CADPS: variants seen among roughly 807,000 people sequenced by gnomAD.
CADPS encodes the protein calcium dependent secretion activator.
Under a neutral mutation model 167.3 loss-of-function variants are expected in CADPS, and 57 were observed. The ratio of observed to expected loss-of-function variants is 0.34; its 90% CI spans 0.28 to 0.42. The LOEUF is 0.42. CADPS is among the 20% of genes least tolerant of loss of function. The probability of loss-of-function intolerance (pLI) is 1.00; values close to 1 mark genes in which losing one functional copy is unlikely to be tolerated. For synonymous variants in CADPS, 676 were observed against 635.3 expected (o/e 1.06, Z -0.96); for missense variants, 1,414 against 1,738.1 (o/e 0.81, Z 3.32).
chr3:62,866,376 G>A (rs1235566267), intron 1 of CADPS, among the ~76,000 whole-genome samples: 3 of 152,054 alleles, frequency 2.0e-5, no homozygotes, highest in Non-Finnish European at 4.4e-5. Flanking sequence ...TAAAGCATCA[G>A]TGTGAAGTCT....
intron 24 of CADPS, among the ~76,000 whole-genome samples, chr3:62,472,745 C>T (rs2060776726): frequency 6.6e-6 from 1 of 152,152 alleles, no homozygotes; most frequent in African/African-American, 2.4e-5. Context: ...AAACTGAGGC[C>T]CAAAGAAGCT....
intron 1 of CADPS, among the ~76,000 whole-genome samples, chr3:62,843,492 G>GGTGTGTGTGT (rs150223612): frequency 0.021 from 3,123 of 149,082 alleles, 53 homozygotes; most frequent in South Asian, 0.051. Context: ...TGGCAGTTGG[G>GGTGTGTGTGT]GTGTGTGTGT....
chr3:62,475,827 A>T (rs2061251738), intron 23 of CADPS, among the ~76,000 whole-genome samples: 1 of 152,122 alleles, frequency 6.6e-6, no homozygotes, highest in South Asian at 2.1e-4. Context: ...TGATCTTCTG[A>T]GGCTTGTGTG....
Position 62,585,165 on chromosome 3 carries a change from G to A in CADPS, c.1577+20C>T. ...AACAGACGTGTGTCCAAAACTGCTA[G>A]TTGGGGAAGAAACACTTACCCAGAA... On this transcript the variant is annotated intron_variant, in intron 8 of 29. Transcript: ENST00000383710. The A allele has an allele frequency of 6.2e-7, 1 of 1,611,376 alleles. No homozygotes were observed. The highest frequency in any genetic ancestry group is 1.1e-5 in the South Asian group (1 of 91,014).
chr3:62,534,432 T>C (rs2074303901), intron 12 of CADPS, among the ~76,000 whole-genome samples: 1 of 152,154 alleles, frequency 6.6e-6, no homozygotes, highest in Admixed American at 6.5e-5. Context: ...ATCTTTCCTG[T>C]TTCAAATTAT....
At chr3:62,631,770 A>G (rs976485985) in intron 6 of CADPS, among the ~76,000 whole-genome samples, 2 of 152,166 alleles carry the variant, frequency 1.3e-5, no homozygotes, top group African/African-American at 4.8e-5. Flanking sequence ...CCATATCTTA[A>G]TTCCAGGCTC....
intron 26 of CADPS, among the ~76,000 whole-genome samples, chr3:62,450,182 T>C (rs2057832711): frequency 6.6e-6 from 1 of 152,212 alleles, no homozygotes; most frequent in South Asian, 2.1e-4. Context: ...CTGAGCTGAT[T>C]CTCAGTCTGG....
rs371598770 is a variant in CADPS, at chr3:62,769,773, G to A, written c.442-3789C>T. On this transcript the variant is annotated intron_variant, in intron 1 of 29. Coordinates refer to ENST00000383710, the MANE Select transcript of CADPS (RefSeq NM_003716.4). ...CAGAATCATGAGTCAGGAGTTGAGC[G>A]CACAGGCTTGGGGTCCAAGAGACAC... is the stretch of plus-strand genomic sequence containing the variant. 8.5e-5 allele frequency among the ~76,000 whole-genome samples: 13 copies of A among 152,158 alleles called. No individual in the cohort carries two copies. In the East Asian group the frequency reaches 1.2e-3, roughly 14 times the overall value.
chr3:62,579,966 ATT>A (rs764838308), intron 8 of CADPS, among the ~76,000 whole-genome samples: 5 of 152,140 alleles, frequency 3.3e-5, no homozygotes, highest in Non-Finnish European at 7.4e-5. Flanking sequence ...GAAAGGTTGA[ATT>A]CTAGATTTAT....
At chr3:62,450,132 A>G (rs1359810562) in intron 26 of CADPS, among the ~76,000 whole-genome samples, 1 of 152,158 alleles carries the variant, frequency 6.6e-6, no homozygotes, top group Admixed American at 6.5e-5. Context: ...TTCTTGCTAT[A>G]AAAAAGATTC....
At chr3:62,607,586 G>A (rs534982113) in intron 6 of CADPS, among the ~76,000 whole-genome samples, 3 of 152,326 alleles carry the variant, frequency 2.0e-5, no homozygotes, top group South Asian at 2.1e-4. Flanking sequence ...GCAGCGCTTA[G>A]GGGTGCTCAG....
At chr3:62,735,510 A>AAT (rs2078820003) in intron 3 of CADPS, among the ~76,000 whole-genome samples, 2 of 152,138 alleles carry the variant, frequency 1.3e-5, no homozygotes, top group Admixed American at 1.3e-4. Flanking sequence ...ATTATATAAT[A>AAT]ATAAGGAATC....
chr3:62,794,908 G>T (rs2152760418), intron 1 of CADPS, among the ~76,000 whole-genome samples: 1 of 151,970 alleles, frequency 6.6e-6, no homozygotes, highest in Admixed American at 6.6e-5. Flanking sequence ...GGAGAATGTG[G>T]ATGCCAGTAA....
chr3:62,416,489 T>C (rs2050086693), intron 28 of CADPS, among the ~76,000 whole-genome samples: 1 of 152,212 alleles, frequency 6.6e-6, no homozygotes, highest in Admixed American at 6.5e-5. Flanking sequence ...CTCCTCTCTT[T>C]GTCTAGAATA....
intron 3 of CADPS, among the ~76,000 whole-genome samples, chr3:62,714,373 A>C (rs895850397): frequency 3.3e-5 from 5 of 152,068 alleles, no homozygotes; most frequent in Non-Finnish European, 7.4e-5. Flanking sequence ...TAATGTGGAG[A>C]GATCACATTA....
At chr3:62,738,564 A>G (rs2079501556) in intron 3 of CADPS, among the ~76,000 whole-genome samples, 1 of 152,024 alleles carries the variant, frequency 6.6e-6, no homozygotes, top group Admixed American at 6.6e-5. Context: ...TCTCTACTAA[A>G]AGTACAAAAA....
rs566731837 is a variant in CADPS, at chr3:62,403,137, G to A, written c.3826C>T (p.Arg1276Trp). 4 of 1,613,374 alleles carry A rather than the reference G, an allele frequency of 2.5e-6. No individual in the cohort carries two copies. Among genetic ancestry groups the A allele is most frequent in the Admixed American group, 1.7e-5 (1 of 59,978 alleles). Residue 1276 changes from arginine (R) to tryptophan (W), a missense_variant, in exon 29 of 30, where the codon CGG becomes TGG. Coordinates refer to ENST00000383710, the MANE Select transcript of CADPS (RefSeq NM_003716.4). ...MNVICTWLTD[R>W]MDLQLHIYQL... Reference sequence around the variant, plus strand: ...TAAATATGAAGCTGTAAGTCCATCCGGTCCGTCAACCAGGTGCAGATCACG... The same window carrying A: ...TAAATATGAAGCTGTAAGTCCATCCAGTCCGTCAACCAGGTGCAGATCACG...
chr3:62,733,901 C>T (rs1482130785), intron 3 of CADPS, among the ~76,000 whole-genome samples: 4 of 152,124 alleles, frequency 2.6e-5, no homozygotes, highest in Admixed American at 2.6e-4. Context: ...GCCTTTGCAT[C>T]CTCACAGCTT....
At chr3:62,556,212 C>T (rs748533639) in intron 10 of CADPS, among the ~76,000 whole-genome samples, 4 of 152,182 alleles carry the variant, frequency 2.6e-5, no homozygotes, top group Admixed American at 6.5e-5. Context: ...GTTTCAAACT[C>T]GTTGGTTCTG....
Sources: gnomAD v4.1 joint callset for allele counts (sites outside exome capture counted in the v4.1 genomes callset) on GRCh38, gnomAD v4.1.1 for gene constraint, MANE v1.5 for transcripts, NCBI Gene and HGNC (gene_info 2026-07-23, HGNC 2026-07-21) for gene names.